CCR3: variants seen among roughly 807,000 people sequenced by gnomAD.
CCR3 encodes C-C chemokine receptor type 3.
For synonymous variants in CCR3, 203 were observed against 179.2 expected (o/e 1.13, Z -1.06); for missense variants, 419 against 437.5 (o/e 0.96, Z 0.38).
intron 1 of CCR3, among the ~76,000 whole-genome samples, 198 bp downstream of exon 1, chr3:46,242,736 CCTTT>C (rs1700105932): frequency 6.6e-6 from 1 of 151,464 alleles, no homozygotes; most frequent in Admixed American, 6.6e-5. Context: ...TCTAATTTTC[CCTTT>C]CTGTCTCCCA....
At chr3:46,249,554 G>T (rs936404009) in intron 1 of CCR3, among the ~76,000 whole-genome samples, 2 of 152,148 alleles carry the variant, frequency 1.3e-5, no homozygotes, top group African/African-American at 4.8e-5. Context: ...CTTCCGAGGC[G>T]ATCAGGCTGT....
At chr3:46,257,072 G>A (rs1404522347) in intron 1 of CCR3, among the ~76,000 whole-genome samples, 2 of 152,196 alleles carry the variant, frequency 1.3e-5, no homozygotes, top group South Asian at 4.1e-4. Flanking sequence ...TCTTTACACA[G>A]TTTATAACTC....
chr3:46,257,427 CT>C (rs34426861), intron 1 of CCR3, among the ~76,000 whole-genome samples: 20,331 of 103,826 alleles, frequency 0.2, 942 homozygotes, highest in South Asian at 0.44. Context: ...TTGTCCCAGG[CT>C]TTTTTTTTTT....
At chr3:46,240,363 T>A (rs2125926481), upstream of CCR3, among the ~76,000 whole-genome samples, 1 of 152,344 alleles carries the variant, frequency 6.6e-6, no homozygotes. Flanking sequence ...ATCTGTTCCC[T>A]AATTTCATTC....
At chr3:46,233,559 G>T (rs1277705814) in intron 2 of CCR3, among the ~76,000 whole-genome samples, 3 of 152,072 alleles carry the variant, frequency 2.0e-5, no homozygotes, top group African/African-American at 7.2e-5. Flanking sequence ...CCAGAAATGT[G>T]TCTGCTTCAG....
intron 1 of CCR3, among the ~76,000 whole-genome samples, chr3:46,254,918 A>G (rs1452263790): frequency 1.3e-5 from 2 of 152,178 alleles, no homozygotes; most frequent in African/African-American, 4.8e-5. Context: ...GTAGATACCC[A>G]GGAGTAGGAT....
intron 1 of CCR3, among the ~76,000 whole-genome samples, chr3:46,244,099 T>C (rs1362658569): frequency 6.6e-6 from 1 of 152,228 alleles, no homozygotes; most frequent in African/African-American, 2.4e-5. Context: ...TATAATTCAA[T>C]GTAGAAATTG....
intron 1 of CCR3, among the ~76,000 whole-genome samples, chr3:46,243,075 C>G (rs1168221910): frequency 6.7e-6 from 1 of 149,510 alleles, no homozygotes; most frequent in African/African-American, 2.5e-5. Flanking sequence ...TTCCAGGACC[C>G]TTGCAGATAC....
At chr3:46,261,751 C>T (rs774926707) in intron 1 of CCR3, among the ~76,000 whole-genome samples, 2 of 152,160 alleles carry the variant, frequency 1.3e-5, no homozygotes, top group Non-Finnish European at 2.9e-5. Context: ...GAGAGTTCCT[C>T]GGTTTGTTCA....
chr3:46,226,063 C>T (rs1315076963), intron 2 of CCR3, among the ~76,000 whole-genome samples: 3 of 152,214 alleles, frequency 2.0e-5, no homozygotes, highest in Non-Finnish European at 4.4e-5. Context: ...CAATATCACT[C>T]TATCTGGATT....
chr3:46,249,115 T>C (rs892711054), intron 1 of CCR3, among the ~76,000 whole-genome samples: 3 of 152,010 alleles, frequency 2.0e-5, no homozygotes, highest in Non-Finnish European at 4.4e-5. Context: ...GCATGATTGG[T>C]CGCCAAGGAG....
chr3:46,239,661 G>T (rs1035981035), upstream of CCR3, among the ~76,000 whole-genome samples: 3 of 152,152 alleles, frequency 2.0e-5, no homozygotes, highest in African/African-American at 4.8e-5. Flanking sequence ...GCTTGGACAG[G>T]TCACTTGATC....
intron 1 of CCR3, among the ~76,000 whole-genome samples, chr3:46,257,862 C>A (rs1022089075): frequency 6.6e-6 from 1 of 152,164 alleles, no homozygotes; most frequent in Non-Finnish European, 1.5e-5. Flanking sequence ...AACAGAGAAG[C>A]CAATGTTGTA....
chr3:46,219,386 T>A (rs905322293), intron 2 of CCR3, among the ~76,000 whole-genome samples: 6 of 152,092 alleles, frequency 3.9e-5, no homozygotes, highest in Non-Finnish European at 8.8e-5. Context: ...GTAGAATCAA[T>A]GTTATGAAAA....
chr3:46,254,377 GTGAGGAGACATAGATC>G (rs761097965), intron 1 of CCR3, among the ~76,000 whole-genome samples: 3 of 152,200 alleles, frequency 2.0e-5, no homozygotes, highest in Non-Finnish European at 4.4e-5. Flanking sequence ...CAGTTTGGGA[GTGAGGAGACATAGATC>G]TGAAAGTGTA....
chr3:46,234,259 G>C (rs2125925608), intron 2 of CCR3, among the ~76,000 whole-genome samples: 1 of 152,326 alleles, frequency 6.6e-6, no homozygotes. Flanking sequence ...GAATCTCCAG[G>C]AGTGTTTTCT....
chr3:46,235,752 A>T (rs1409916680), intron 2 of CCR3, among the ~76,000 whole-genome samples: 1 of 152,244 alleles, frequency 6.6e-6, no homozygotes, highest in African/African-American at 2.4e-5. Flanking sequence ...ACGAGCCCTC[A>T]CCAGAGGACT....
chr3:46,264,980 T>C (rs2125936573), intron 1 of CCR3, 168 bp from the exon 2 acceptor site: 1 of 594,952 alleles, frequency 1.7e-6, no homozygotes, highest in Non-Finnish European at 3.0e-6. Flanking sequence ...CCTTCCTCAA[T>C]CCTTTTCCTG....
intron 1 of CCR3, among the ~76,000 whole-genome samples, chr3:46,257,768 A>G (rs1386618124): frequency 1.3e-5 from 2 of 152,140 alleles, no homozygotes; most frequent in Admixed American, 6.6e-5. Context: ...TAAGGCGGCT[A>G]AGAAGTCCCA....
Sources: gnomAD v4.1 joint callset for allele counts (sites outside exome capture counted in the v4.1 genomes callset) on GRCh38, gnomAD v4.1.1 for gene constraint, MANE v1.5 for transcripts, NCBI Gene and HGNC (gene_info 2026-07-23, HGNC 2026-07-21) for gene names.